MSANTD4: variants seen among roughly 807,000 people sequenced by gnomAD.
The protein encoded by MSANTD4 is Myb/SANT DNA binding domain containing 4 with coiled-coils, also known as myb/SANT-like DNA-binding domain-containing protein 4.
A neutral mutation model predicts 34.3 loss-of-function variants in MSANTD4; 13 were observed. The ratio of observed to expected loss-of-function variants is 0.38; its 90% CI spans 0.25 to 0.60. The LOEUF (loss-of-function observed/expected upper bound fraction) is 0.60. MSANTD4 is among the 20% of genes least tolerant of loss of function. MSANTD4 has a pLI of 0.63. For missense variants in MSANTD4, 358 were observed against 401.8 expected, an observed-to-expected ratio of 0.89 and a Z score of 0.93; for synonymous variants, 137 against 145.2, an observed-to-expected ratio of 0.94 and a Z score of 0.41.
chr11:106,020,732 C>T lies in MSANTD4; in HGVS notation c.-151+230G>A, dbSNP rs1232968243. 2.0e-5 allele frequency among the ~76,000 whole-genome samples: 3 copies of T among 152,294 alleles called. No individual in the cohort carries two copies. The East Asian group carries it at 5.8e-4, about 29-fold the overall frequency. On this transcript the variant is annotated intron_variant, in intron 1 of 2. Transcript: ENST00000301919. The stretch of plus-strand genomic sequence containing the variant: ...ATCTCTAACTTACAAAGTGGTATCC[C>T]GTTGTCCTGACTGATCTATTCTGAA...
Position 106,009,392 on chromosome 11 carries a change from A to G in MSANTD4, c.*143T>C, listed in dbSNP as rs1414683990. 2.8e-6 allele frequency: 2 copies of G among 725,992 alleles called. No homozygotes were observed. Among genetic ancestry groups the G allele is most frequent in the Non-Finnish European group, 4.5e-6 (2 of 446,256 alleles). 45.0% of individuals were successfully genotyped at this position (725,992 alleles called of 1,614,324 possible). Reference sequence around the variant, plus strand: ...CAGCTTTTATATACTACTTAGGCATACAGTTATCCACATATAACTTTTTCC... The same window carrying G: ...CAGCTTTTATATACTACTTAGGCATGCAGTTATCCACATATAACTTTTTCC... On this transcript the variant is annotated 3_prime_UTR_variant, in exon 3 of 3. Coordinates refer to ENST00000301919, the MANE Select transcript of MSANTD4 (RefSeq NM_032424.3).
intron 1 of MSANTD4, among the ~76,000 whole-genome samples, chr11:106,018,122 T>C (rs1346172771): frequency 6.6e-6 from 1 of 152,156 alleles, no homozygotes; most frequent in Non-Finnish European, 1.5e-5. Context: ...CCCAGTGAAG[T>C]AAAAATGAAA....
chr11:106,009,855 G>C lies in MSANTD4; in HGVS notation c.718C>G (p.Leu240Val). The C allele has an allele frequency of 6.2e-7, 1 of 1,613,892 alleles. No homozygotes were observed. The highest frequency in any genetic ancestry group is 8.5e-7 in the Non-Finnish European group (1 of 1,180,002). ...TCATGTTCCATGTCTAAATGCCGCAGCCTCTCTTTCTCGATTTGTAGGCGT... is the reference window on the plus strand; with the variant it reads ...TCATGTTCCATGTCTAAATGCCGCACCCTCTCTTTCTCGATTTGTAGGCGT... ...KERLQIEKER[L>V]RHLDMEHERL... is the part of the protein sequence containing the mutation. Residue 240 changes from leucine (L) to valine (V), a missense_variant, in exon 3 of 3, where the codon CTG becomes GTG. By Grantham distance (32) the Leu-to-Val change is conservative. This residue lies in a region of MSANTD4 where 312 missense variants were observed against 317.6 expected (regional missense o/e 0.98). Coordinates refer to ENST00000301919, the MANE Select transcript of MSANTD4 (RefSeq NM_032424.3).
rs980171805 is a variant in MSANTD4 at position 106,021,233 on chromosome 11, C to G, written c.-422G>C. On this transcript the variant is annotated 5_prime_UTR_variant, in exon 1 of 3. Transcript: ENST00000301919. ...CGCTCTCTTAGCAGAAAGGATTCAA[C>G]AGCTGCAGTCTCTAAAACTTACAAA... is the stretch of plus-strand genomic sequence containing the variant. 1.3e-5 allele frequency: 2 copies of G among 152,224 alleles called. No homozygotes were observed. The highest frequency in any genetic ancestry group is 4.8e-5 in the African/African-American group (2 of 41,452). The allele number at this position is 152,224 out of a possible 1,614,324, so 9.4% of individuals were successfully genotyped here. A position where few individuals can be genotyped will look rare whatever the true frequency, so the allele number is the denominator to read the frequency against.
Position 106,009,396 on chromosome 11 carries a change from T to C in MSANTD4, c.*139A>G. On this transcript the variant is annotated 3_prime_UTR_variant, in exon 3 of 3. Coordinates refer to ENST00000301919, the MANE Select transcript of MSANTD4 (RefSeq NM_032424.3). ...TTTTATATACTACTTAGGCATACAG[T>C]TATCCACATATAACTTTTTCCTACT... 1 of 752,996 alleles carries C rather than the reference T, an allele frequency of 1.3e-6. No individual in the cohort carries two copies. Among genetic ancestry groups the C allele is most frequent in the East Asian group, 2.7e-5 (1 of 37,420 alleles). 46.6% of individuals were successfully genotyped at this position (752,996 alleles called of 1,614,324 possible).
At position 106,012,506 on chromosome 11, in the gene MSANTD4, C is replaced by T. The variant is rs1403465180; in HGVS notation, c.-150-1439G>A. 2.0e-5 allele frequency among the ~76,000 whole-genome samples: 3 copies of T among 152,088 alleles called. No homozygotes were observed. The East Asian group carries it at 5.8e-4, about 29-fold the overall frequency. ...TCCATTAAATAAATTTTAAAATATCCATGTGGCAATATTTGTATACAGATT... is the reference window on the plus strand; with the variant it reads ...TCCATTAAATAAATTTTAAAATATCTATGTGGCAATATTTGTATACAGATT... On this transcript the variant is annotated intron_variant, in intron 1 of 2. Coordinates refer to ENST00000301919, the MANE Select transcript of MSANTD4 (RefSeq NM_032424.3).
intron 1 of MSANTD4, among the ~76,000 whole-genome samples, chr11:106,020,569 G>A (rs1860004870): frequency 6.6e-6 from 1 of 152,092 alleles, no homozygotes; most frequent in Non-Finnish European, 1.5e-5. Flanking sequence ...TTTAGAAATC[G>A]CATTGTTGTA....
Position 106,010,173 on chromosome 11 carries a change from T to C in MSANTD4, c.463-63A>G, listed in dbSNP as rs1434925566. 6 of 1,430,702 alleles carry C rather than the reference T, an allele frequency of 4.2e-6. No individual in the cohort carries two copies. In the Admixed American group the frequency reaches 9.4e-5, roughly 22 times the overall value. 88.6% of individuals were successfully genotyped at this position (1,430,702 alleles called of 1,614,324 possible). A position where few individuals can be genotyped will look rare whatever the true frequency, so the allele number is the denominator to read the frequency against. On this transcript the variant is annotated intron_variant, in intron 2 of 2. Transcript: ENST00000301919. ...TCTACTTTGTGGCAATTTGTCTAAATATTTCTTAAAAGCTTTCTGCGTCGT... is the reference window on the plus strand; with the variant it reads ...TCTACTTTGTGGCAATTTGTCTAAACATTTCTTAAAAGCTTTCTGCGTCGT...
chr11:106,012,105 TAAAAAGATCAACA>T lies in MSANTD4; in HGVS notation c.-150-1051_-150-1039del, dbSNP rs201476113. Among the ~76,000 whole-genome samples the T allele has an allele frequency of 3.2e-3, 301 of 94,818 alleles. 3 individuals carry two copies. The East Asian group carries it at 0.066, about 21-fold the overall frequency. The allele number at this position is 94,818 out of a possible 152,430, so 62.2% of individuals were successfully genotyped here. On this transcript the variant is annotated intron_variant, in intron 1 of 2. Coordinates refer to ENST00000301919, the MANE Select transcript of MSANTD4 (RefSeq NM_032424.3). The stretch of plus-strand genomic sequence containing the variant: ...CATCCCACCTAATTAATCATGTAAG[TAAAAAGATCAACA>T]AAAAAGATCAACAAAAAAAGATAAC...
At chr11:106,018,849 C>G (rs545353016) in intron 1 of MSANTD4, among the ~76,000 whole-genome samples, 1 of 152,192 alleles carries the variant, frequency 6.6e-6, no homozygotes, top group Non-Finnish European at 1.5e-5. Flanking sequence ...CTCTTGAGAA[C>G]CAAATTTTCT....
At chr11:106,017,913 T>C (rs1426353962) in intron 1 of MSANTD4, among the ~76,000 whole-genome samples, 1 of 152,180 alleles carries the variant, frequency 6.6e-6, no homozygotes, top group African/African-American at 2.4e-5. Context: ...TCTCAAACTA[T>C]AGCATGTATA....
intron 1 of MSANTD4, among the ~76,000 whole-genome samples, chr11:106,018,611 G>A (rs539369541): frequency 7.9e-5 from 12 of 152,282 alleles, no homozygotes; most frequent in African/African-American, 2.9e-4. Context: ...TAGCTCCTAA[G>A]AAACTTCCTT....
At chr11:106,018,776 G>T (rs544169417) in intron 1 of MSANTD4, among the ~76,000 whole-genome samples, 1 of 152,252 alleles carries the variant, frequency 6.6e-6, no homozygotes, top group South Asian at 2.1e-4. Context: ...CTATTTGTTG[G>T]AAACACATCA....
chr11:106,011,114 A>G, intron 1 of MSANTD4, 47 bp from the exon 2 acceptor site: 1 of 877,292 alleles, frequency 1.1e-6, no homozygotes, highest in Non-Finnish European at 1.6e-6. Flanking sequence ...CAACTTCTAC[A>G]ACATACTTCA....
intron 1 of MSANTD4, among the ~76,000 whole-genome samples, chr11:106,012,063 C>T (rs1859710584): frequency 6.8e-6 from 1 of 146,472 alleles, no homozygotes; most frequent in South Asian, 2.1e-4. Context: ...AAAAAAATGG[C>T]AAGGATTTTA....
In MSANTD4 at chr11:106,008,538, C is replaced by G. The variant is rs1859592692; in HGVS notation, c.*997G>C. On this transcript the variant is annotated 3_prime_UTR_variant, in exon 3 of 3. Coordinates refer to ENST00000301919, the MANE Select transcript of MSANTD4 (RefSeq NM_032424.3). ...GGAGTACATCTTCCCCACCTACCCC[C>G]TACTCCCAAATGGCTGCTATTACTT... 2 of 152,250 alleles carry G rather than the reference C, an allele frequency of 1.3e-5. No individual in the cohort carries two copies. Among genetic ancestry groups the G allele is most frequent in the East Asian group, 1.9e-4 (1 of 5,206 alleles). 9.4% of individuals were successfully genotyped at this position (152,250 alleles called of 1,614,324 possible). A position where few individuals can be genotyped will look rare whatever the true frequency, so the allele number is the denominator to read the frequency against.
rs1859577189 is a variant in MSANTD4, at chr11:106,007,967, C to G, written c.*1568G>C. The G allele has an allele frequency of 6.6e-6, 1 of 152,634 alleles. No individual in the cohort carries two copies. The highest frequency in any genetic ancestry group is 1.5e-5 in the Non-Finnish European group (1 of 68,030). 9.5% of individuals were successfully genotyped at this position (152,634 alleles called of 1,614,324 possible). A position where few individuals can be genotyped will look rare whatever the true frequency, so the allele number is the denominator to read the frequency against. On this transcript the variant is annotated 3_prime_UTR_variant, in exon 3 of 3. Coordinates refer to ENST00000301919, the MANE Select transcript of MSANTD4 (RefSeq NM_032424.3). ...TTATTTCAGATATAGAAAAATAACA[C>G]TATTTCAAAGTCAGAGTAAGTAAAC...
rs550360930 is a variant in MSANTD4, at chr11:106,010,843, C to T, written c.75G>A (p.Thr25=). Residue 25 remains threonine (T), a synonymous_variant, in exon 2 of 3, where the codon ACG becomes ACA. Transcript: ENST00000301919. The part of the protein sequence containing the change: ...QETQTLLKEI[T]KRKEVIFSKQ... ...TGGAAAAAATGACTTCTTTCCTTTTCGTAATTTCTTTCAAAAGGGTCTGAG... is the reference window on the plus strand; with the variant it reads ...TGGAAAAAATGACTTCTTTCCTTTTTGTAATTTCTTTCAAAAGGGTCTGAG... 2.0e-5 allele frequency: 33 copies of T among 1,613,942 alleles called. No homozygotes were observed. Among genetic ancestry groups the T allele is most frequent in the African/African-American group, 6.7e-5 (5 of 75,040 alleles).
At position 106,011,946 on chromosome 11, in the gene MSANTD4, A is replaced by C. The variant is rs183619852; in HGVS notation, c.-150-879T>G. On this transcript the variant is annotated intron_variant, in intron 1 of 2. Transcript: ENST00000301919. ...CTACATTTTACTACTTCACAAATTC[A>C]AACTCATTTTAAGGTTAATAAACCA... 1.0e-3 allele frequency among the ~76,000 whole-genome samples: 153 copies of C among 152,304 alleles called. 1 individual carries two copies. Among genetic ancestry groups the C allele is most frequent in the African/African-American group, 3.5e-3 (147 of 41,560 alleles).
Sources: gnomAD v4.1 joint callset for allele counts (sites outside exome capture counted in the v4.1 genomes callset) on GRCh38, gnomAD v4.1.1 for gene constraint, gnomAD v4.1.1 regional missense constraint, MANE v1.5 for transcripts, NCBI Gene and HGNC (gene_info 2026-07-23, HGNC 2026-07-21) for gene names.